NUP88: variants seen among roughly 807,000 people sequenced by gnomAD.
NUP88 encodes the protein nucleoporin 88.
In NUP88, 57 loss-of-function variants were observed where a neutral mutation model predicts 93.9. That is an observed-to-expected ratio of 0.61 (90% CI 0.49 to 0.76). The LOEUF (loss-of-function observed/expected upper bound fraction) is 0.76. NUP88 is among the 30% of genes least tolerant of loss of function. The pLI, the probability that NUP88 is intolerant of heterozygous loss-of-function variation, is 0.00. For synonymous variants in NUP88, 346 were observed against 336.8 expected (o/e 1.03, Z -0.30); for missense variants, 911 against 901.0 (o/e 1.01, Z -0.14).
chr17:5,390,999 C>T (rs188836226), intron 10 of NUP88, among the ~76,000 whole-genome samples: 322 of 152,274 alleles, frequency 2.1e-3, no homozygotes, highest in Admixed American at 4.5e-3. Flanking sequence ...TTCCAGTTTA[C>T]ATAGTCTACA....
intron 4 of NUP88, among the ~76,000 whole-genome samples, chr17:5,410,163 C>T (rs1913748970): frequency 6.6e-6 from 1 of 152,152 alleles, no homozygotes; most frequent in African/African-American, 2.4e-5. Context: ...TTGAAACAGG[C>T]TATAGCTATA....
intron 11 of NUP88, chr17:5,388,125 C>G (rs1175014875): frequency 2.0e-5 from 7 of 341,664 alleles, no homozygotes; most frequent in East Asian, 1.1e-4. Flanking sequence ...CTCAGCCTCT[C>G]GAGTAGCTGG....
At chr17:5,402,610 G>A (rs546381673) in intron 7 of NUP88, among the ~76,000 whole-genome samples, 1 of 152,178 alleles carries the variant, frequency 6.6e-6, no homozygotes, top group Admixed American at 6.5e-5. Context: ...ACCAGAACTA[G>A]GCAAACTGGC....
chr17:5,388,423 T>C, intron 11 of NUP88: 1 of 163,008 alleles, frequency 6.1e-6, no homozygotes, highest in Non-Finnish European at 1.3e-5. Context: ...GTAGCTGGGA[T>C]TACAGGCATC....
chr17:5,417,365 C>T (rs12603729), intron 1 of NUP88, among the ~76,000 whole-genome samples: 6 of 151,976 alleles, frequency 3.9e-5, no homozygotes, highest in Non-Finnish European at 7.4e-5. Context: ...TACTTCCAGG[C>T]GCTGAGGTGG....
chr17:5,386,906 A>T, intron 15 of NUP88, 78 bp downstream of exon 15: 1 of 1,592,496 alleles, frequency 6.3e-7, no homozygotes, highest in Non-Finnish European at 8.6e-7. Flanking sequence ...TGTTCTTTTT[A>T]CATTTTTGTA....
At chr17:5,396,602 C>T (rs1311340664) in intron 8 of NUP88, among the ~76,000 whole-genome samples, 1 of 152,140 alleles carries the variant, frequency 6.6e-6, no homozygotes, top group African/African-American at 2.4e-5. Flanking sequence ...CACTCATGTA[C>T]CAGTATTTGT....
chr17:5,398,429 T>C (rs956883334), intron 8 of NUP88, among the ~76,000 whole-genome samples: 25 of 151,304 alleles, frequency 1.7e-4, no homozygotes, highest in Non-Finnish European at 2.8e-4. Flanking sequence ...GCAGGGATTA[T>C]AGGCGCACAC....
intron 16 of NUP88, 90 bp downstream of exon 16, chr17:5,386,618 A>AT: frequency 1.1e-6 from 1 of 882,380 alleles, no homozygotes; most frequent in African/African-American, 1.7e-5. Flanking sequence ...AAATACCAAG[A>AT]TTCAGGTTTC....
At chr17:5,392,830 C>A (rs781173118) in intron 9 of NUP88, among the ~76,000 whole-genome samples, 16 of 152,210 alleles carry the variant, frequency 1.1e-4, no homozygotes, top group Non-Finnish European at 2.4e-4. Context: ...CACTCTGTTG[C>A]CGAGGCTGGA....
intron 14 of NUP88, 96 bp downstream of exon 14, chr17:5,387,290 A>T: frequency 1.6e-6 from 2 of 1,274,670 alleles, no homozygotes; most frequent in Non-Finnish European, 2.3e-6. Context: ...GGATCAGTTC[A>T]GTTCCGTAGG....
intron 7 of NUP88, 74 bp from the exon 8 acceptor site, chr17:5,399,724 T>G: frequency 1.4e-6 from 1 of 713,426 alleles, no homozygotes; most frequent in Non-Finnish European, 2.4e-6. Context: ...ATTTGTTGGC[T>G]ACTCCACATT....
Position 5,408,717 on chromosome 17 carries a change from GACC to G in NUP88, c.857+13_857+15del. The G allele has an allele frequency of 6.4e-7, 1 of 1,563,452 alleles. No homozygotes were observed. The highest frequency in any genetic ancestry group is 8.7e-7 in the Non-Finnish European group (1 of 1,155,308). ...AACTGAGTTTTCATTTCAGGTGGGT[GACC>G]ACCTCAACTTACCTGTGTAACAGAC... is the stretch of plus-strand genomic sequence containing the variant. On this transcript the variant is annotated intron_variant, in intron 5 of 16. Coordinates refer to ENST00000573584, the MANE Select transcript of NUP88 (RefSeq NM_002532.6).
intron 8 of NUP88, among the ~76,000 whole-genome samples, chr17:5,399,230 C>T (rs1375193541): frequency 7.2e-6 from 1 of 138,082 alleles, no homozygotes; most frequent in African/African-American, 2.7e-5. Flanking sequence ...TATCCCAGAC[C>T]CTGATTGAGT....
chr17:5,416,277 T>C (rs2151649475), intron 2 of NUP88, among the ~76,000 whole-genome samples: 1 of 151,542 alleles, frequency 6.6e-6, no homozygotes, highest in African/African-American at 2.4e-5. Context: ...TACTTCTACC[T>C]AATCGAAAGA....
At chr17:5,393,435 CT>C (rs35265554) in intron 9 of NUP88, among the ~76,000 whole-genome samples, 7,060 of 121,596 alleles carry the variant, frequency 0.058, 145 homozygotes, top group Non-Finnish European at 0.08. Flanking sequence ...GTTCACTTTT[CT>C]TTTTTTTTTT....
At chr17:5,406,990 T>G (rs1020471889) in intron 5 of NUP88, among the ~76,000 whole-genome samples, 2 of 152,270 alleles carry the variant, frequency 1.3e-5, no homozygotes, top group Admixed American at 6.5e-5. Context: ...GGGCTAACGT[T>G]ACTAGGCAGA....
rs535094096 is a variant in NUP88 at position 5,397,335 on chromosome 17, C to CT, written c.1291+2216dup. ...CACCCAGACAACAGAGTGAGACCCT[C>CT]TGTCTCTTAAAAGAATTTTTTTTTT... On this transcript the variant is annotated intron_variant, in intron 8 of 16. Coordinates refer to ENST00000573584, the MANE Select transcript of NUP88 (RefSeq NM_002532.6). Among the ~76,000 whole-genome samples the CT allele has an allele frequency of 1.7e-3, 251 of 145,992 alleles. 1 individual carries two copies. The highest frequency in any genetic ancestry group is 2.8e-3 in the Non-Finnish European group (185 of 66,694).
At chr17:5,407,044 G>C (rs1913539915) in intron 5 of NUP88, among the ~76,000 whole-genome samples, 1 of 152,130 alleles carries the variant, frequency 6.6e-6, no homozygotes, top group Admixed American at 6.5e-5. Context: ...GAGGAGAAAG[G>C]GTAAGGGAAG....
Sources: gnomAD v4.1 joint callset for allele counts (sites outside exome capture counted in the v4.1 genomes callset) on GRCh38, gnomAD v4.1.1 for gene constraint, MANE v1.5 for transcripts, NCBI Gene and HGNC (gene_info 2026-07-23, HGNC 2026-07-21) for gene names.